LUZP2: variants seen among roughly 807,000 people sequenced by gnomAD.
LUZP2 encodes leucine zipper protein 2.
In LUZP2, 52 loss-of-function variants were observed where a neutral mutation model predicts 51.6. The observed-to-expected ratio is 1.01, with a 90% confidence interval of 0.81 to 1.27. The LOEUF (loss-of-function observed/expected upper bound fraction) is 1.27, where lower values mean the gene tolerates loss of function less well. LUZP2 is among the 50% of genes most tolerant of loss of function. The pLI is 0.00. For synonymous variants in LUZP2, 154 were observed against 137.3 expected, an observed-to-expected ratio of 1.12 and a Z score of -0.85; for missense variants, 436 against 395.4, an observed-to-expected ratio of 1.10 and a Z score of -0.87.
chr11:24,890,894 C>CTTTT (rs34323542), intron 5 of LUZP2: 456 of 739,380 alleles, frequency 6.2e-4, no homozygotes, highest in African/African-American at 2.8e-3. Flanking sequence ...AGTAAAAGTT[C>CTTTT]TTTTTTTTTT....
intron 9 of LUZP2, among the ~76,000 whole-genome samples, chr11:24,993,688 T>C (rs1856416392): frequency 6.6e-6 from 1 of 152,212 alleles, no homozygotes; most frequent in South Asian, 2.1e-4. Context: ...TTTACATCAA[T>C]AATACTACAT....
chr11:24,955,357 C>A (rs1855185139), intron 7 of LUZP2, among the ~76,000 whole-genome samples: 2 of 151,278 alleles, frequency 1.3e-5, no homozygotes, highest in African/African-American at 2.4e-5. Context: ...AAACAAGGAA[C>A]CAAGAGAGGG....
intron 10 of LUZP2, among the ~76,000 whole-genome samples, chr11:25,062,709 T>C (rs1858880976): frequency 6.7e-6 from 1 of 150,262 alleles, no homozygotes; most frequent in Admixed American, 6.7e-5. Flanking sequence ...CATTTGACAA[T>C]ACCGAGTTTA....
intron 1 of LUZP2, among the ~76,000 whole-genome samples, chr11:24,633,774 G>A (rs1590271611): frequency 6.6e-6 from 1 of 151,518 alleles, no homozygotes. Context: ...TATATTTATA[G>A]GATTATATAG....
At position 24,914,315 on chromosome 11, in the gene LUZP2, C is replaced by T. The variant is rs540600803; in HGVS notation, c.460-161C>T. Among the ~76,000 whole-genome samples the T allele has an allele frequency of 1.1e-4, 16 of 152,254 alleles. No individual in the cohort carries two copies. In the South Asian group the frequency reaches 3.3e-3, roughly 32 times the overall value. On this transcript the variant is annotated intron_variant, in intron 6 of 11. Coordinates refer to ENST00000336930, the MANE Select transcript of LUZP2 (RefSeq NM_001009909.4). Reference sequence around the variant, plus strand: ...CTGCCTAGGTTGTCCAGAGGTCTGACTCTCAAAGCAGAGCTAAGGGTTTCT... The same window carrying T: ...CTGCCTAGGTTGTCCAGAGGTCTGATTCTCAAAGCAGAGCTAAGGGTTTCT...
intron 1 of LUZP2, among the ~76,000 whole-genome samples, chr11:24,721,445 G>C (rs775327020): frequency 8.5e-5 from 13 of 152,144 alleles, no homozygotes; most frequent in Non-Finnish European, 1.6e-4. Context: ...ATAAGACAAA[G>C]ATGTTTATAG....
chr11:24,514,939 G>A (rs1301961038), intron 1 of LUZP2, among the ~76,000 whole-genome samples: 1 of 152,132 alleles, frequency 6.6e-6, no homozygotes, highest in Non-Finnish European at 1.5e-5. Context: ...TAGGTCAGAG[G>A]TCCTAAAGAG....
chr11:24,850,595 G>T (rs190589653), intron 5 of LUZP2, among the ~76,000 whole-genome samples: 1 of 152,046 alleles, frequency 6.6e-6, no homozygotes, highest in Non-Finnish European at 1.5e-5. Flanking sequence ...GATTGTCTTG[G>T]TGATATGGGC....
At chr11:24,547,932 A>G (rs1851611946) in intron 1 of LUZP2, among the ~76,000 whole-genome samples, 1 of 152,158 alleles carries the variant, frequency 6.6e-6, no homozygotes, top group Non-Finnish European at 1.5e-5. Context: ...CTATGTGGCC[A>G]ATAAGCATAT....
At chr11:24,520,158 TAA>T (rs997756511) in intron 1 of LUZP2, among the ~76,000 whole-genome samples, 8 of 152,108 alleles carry the variant, frequency 5.3e-5, no homozygotes, top group African/African-American at 1.9e-4. Flanking sequence ...TGTGTACCCT[TAA>T]AAGGGGAAAT....
chr11:25,051,941 C>G (rs890843947), intron 10 of LUZP2, among the ~76,000 whole-genome samples: 7 of 152,110 alleles, frequency 4.6e-5, no homozygotes, highest in Non-Finnish European at 1.0e-4. Context: ...TTTCTCTCTT[C>G]TACTTGTGTT....
intron 1 of LUZP2, among the ~76,000 whole-genome samples, chr11:24,712,440 A>G (rs141194460): frequency 1.3e-5 from 2 of 152,262 alleles, no homozygotes; most frequent in East Asian, 3.9e-4. Flanking sequence ...TTAATTCCCA[A>G]CACATCATCA....
intron 4 of LUZP2, among the ~76,000 whole-genome samples, chr11:24,741,937 A>AT (rs1859172703): frequency 3.1e-4 from 4 of 13,008 alleles, no homozygotes; most frequent in Non-Finnish European, 1.1e-3. Context: ...TATTATATAT[A>AT]AATATATACA....
rs539306539 is a variant in LUZP2 at position 25,061,907 on chromosome 11, A to C, written c.858+11777A>C. On this transcript the variant is annotated intron_variant, in intron 10 of 11. Coordinates refer to ENST00000336930, the MANE Select transcript of LUZP2 (RefSeq NM_001009909.4). ...TTGAGTTTGAAATTGATATGGAATG[A>C]AGACCTTAAGTTTTTAGGCACTTTT... 2.4e-3 allele frequency among the ~76,000 whole-genome samples: 365 copies of C among 152,262 alleles called. 1 individual carries two copies. Among genetic ancestry groups the C allele is most frequent in the African/African-American group, 8.5e-3 (352 of 41,560 alleles).
intron 1 of LUZP2, among the ~76,000 whole-genome samples, chr11:24,713,242 G>C (rs1454712153): frequency 2.6e-5 from 4 of 152,116 alleles, no homozygotes; most frequent in Non-Finnish European, 5.9e-5. Flanking sequence ...CTAAGTCACA[G>C]AAATTTTTAT....
intron 1 of LUZP2, among the ~76,000 whole-genome samples, chr11:24,566,373 A>G (rs1228666128): frequency 7.0e-6 from 1 of 142,736 alleles, no homozygotes; most frequent in Non-Finnish European, 1.5e-5. Context: ...CTCTGTCGCC[A>G]GGCTGAAGTG....
intron 1 of LUZP2, among the ~76,000 whole-genome samples, chr11:24,642,431 A>G (rs1028771983): frequency 7.2e-5 from 11 of 151,824 alleles, no homozygotes; most frequent in African/African-American, 2.4e-4. Flanking sequence ...GTCCCCCAAA[A>G]TTATCCTTTG....
chr11:24,562,265 C>T (rs1564992036), intron 1 of LUZP2, among the ~76,000 whole-genome samples: 1 of 152,026 alleles, frequency 6.6e-6, no homozygotes, highest in Non-Finnish European at 1.5e-5. Flanking sequence ...CAGGGCTTCC[C>T]TTATACCACA....
At chr11:25,055,074 G>A (rs922981754) in intron 10 of LUZP2, among the ~76,000 whole-genome samples, 8 of 143,510 alleles carry the variant, frequency 5.6e-5, no homozygotes, top group African/African-American at 2.1e-4. Flanking sequence ...GCCCTGGCGC[G>A]ATCTCGGCTC....
Sources: gnomAD v4.1 joint callset for allele counts (sites outside exome capture counted in the v4.1 genomes callset) on GRCh38, gnomAD v4.1.1 for gene constraint, MANE v1.5 for transcripts, NCBI Gene and HGNC (gene_info 2026-07-23, HGNC 2026-07-21) for gene names.